Variants in MTHFD1L observed in about 807,000 individuals in gnomAD.
MTHFD1L encodes the protein methylenetetrahydrofolate dehydrogenase (NADP+ dependent) 1 like, also known as monofunctional C1-tetrahydrofolate synthase, mitochondrial.
MTHFD1L carries 81 observed loss-of-function variants against 119.5 expected under a neutral mutation model. That is an observed-to-expected ratio of 0.68 (90% confidence interval 0.57 to 0.82). The LOEUF (loss-of-function observed/expected upper bound fraction) is 0.82, where lower values mean the gene tolerates loss of function less well. MTHFD1L is among the 40% of genes least tolerant of loss of function. The probability of loss-of-function intolerance (pLI) is 0.00; values close to 1 mark genes in which losing one functional copy is unlikely to be tolerated. For synonymous variants in MTHFD1L, 430 were observed against 475.2 expected, an observed-to-expected ratio of 0.90 and a Z score of 1.24; for missense variants, 1,125 against 1,253.4, an observed-to-expected ratio of 0.90 and a Z score of 1.55.
In MTHFD1L at chr6:150,869,839, T is replaced by G. The variant is rs558618535; in HGVS notation, c.227+3790T>G. On this transcript the variant is annotated intron_variant, in intron 1 of 27. Transcript: ENST00000367321. ...TAAAGAATGAGCTCCCTCAAAAGCA[T>G]AGTGACCTGTTGTTCCTGGTGATGG... 3.9e-5 allele frequency among the ~76,000 whole-genome samples: 6 copies of G among 152,288 alleles called. No homozygotes were observed. In the South Asian group the frequency reaches 1.2e-3, roughly 32 times the overall value.
At chr6:151,030,374 GTTCT>G (rs1471207630) in intron 24 of MTHFD1L, among the ~76,000 whole-genome samples, 2 of 152,160 alleles carry the variant, frequency 1.3e-5, no homozygotes, top group African/African-American at 4.8e-5. Flanking sequence ...CAAAACCACT[GTTCT>G]ACTGCCCGGA....
intron 4 of MTHFD1L, among the ~76,000 whole-genome samples, chr6:150,878,616 C>A (rs1381054686): frequency 6.6e-6 from 1 of 152,182 alleles, no homozygotes; most frequent in Non-Finnish European, 1.5e-5. Context: ...TTGGTGATAT[C>A]ACCAAGTCGC....
chr6:150,942,649 T>G (rs1793319086), intron 13 of MTHFD1L, among the ~76,000 whole-genome samples: 1 of 152,176 alleles, frequency 6.6e-6, no homozygotes, highest in African/African-American at 2.4e-5. Context: ...TAAAAATGCT[T>G]GCTATGTTGA....
intron 19 of MTHFD1L, among the ~76,000 whole-genome samples, chr6:150,966,937 C>T (rs1273433138): frequency 6.6e-6 from 1 of 152,206 alleles, no homozygotes; most frequent in Non-Finnish European, 1.5e-5. Context: ...CGCCTTTGAA[C>T]AGGTGTCTGC....
rs561214507 is a variant in MTHFD1L at position 151,021,168 on chromosome 6, A to G, written c.2586+5475A>G. ...GAGCCTCAGCATCCTCATTTGTACA[A>G]TGGTGTCTGACAGTGACACCAACTT... On this transcript the variant is annotated intron_variant, in intron 24 of 27. Transcript: ENST00000367321. Among the ~76,000 whole-genome samples, 45 of 152,320 alleles carry G rather than the reference A, an allele frequency of 3.0e-4. No individual in the cohort carries two copies. The East Asian group carries it at 4.8e-3, about 16-fold the overall frequency.
At chr6:150,911,758 A>G (rs1000521162) in intron 8 of MTHFD1L, among the ~76,000 whole-genome samples, 3 of 152,170 alleles carry the variant, frequency 2.0e-5, no homozygotes, top group African/African-American at 7.2e-5. Context: ...GAGGCCTCAA[A>G]ATCATGGCGG....
chr6:150,920,491 G>T (rs1361254968), intron 9 of MTHFD1L, among the ~76,000 whole-genome samples: 1 of 152,018 alleles, frequency 6.6e-6, no homozygotes, highest in Non-Finnish European at 1.5e-5. Context: ...TTTTTGTAAG[G>T]ATTATAAGTT....
intron 26 of MTHFD1L, among the ~76,000 whole-genome samples, chr6:151,061,235 G>A (rs1037224476): frequency 6.6e-6 from 1 of 152,250 alleles, no homozygotes; most frequent in Non-Finnish European, 1.5e-5. Context: ...AGCACGTGGG[G>A]TCAAGTCCAG....
intron 26 of MTHFD1L, among the ~76,000 whole-genome samples, chr6:151,060,552 G>A (rs1790492508): frequency 1.3e-5 from 2 of 152,170 alleles, no homozygotes; most frequent in South Asian, 2.1e-4. Flanking sequence ...ATGGGGGGCT[G>A]GCAGGGATAG....
At chr6:151,063,620 A>G (rs781181576) in intron 26 of MTHFD1L, among the ~76,000 whole-genome samples, 5 of 152,204 alleles carry the variant, frequency 3.3e-5, no homozygotes, top group Non-Finnish European at 7.3e-5. Context: ...ATTTTATGCT[A>G]TTAGCCTAGC....
intron 6 of MTHFD1L, among the ~76,000 whole-genome samples, chr6:150,886,321 A>T (rs1281937004): frequency 6.6e-6 from 1 of 151,902 alleles, no homozygotes; most frequent in African/African-American, 2.4e-5. Context: ...GTGTAGTCCC[A>T]GCTATGCTGG....
intron 20 of MTHFD1L, among the ~76,000 whole-genome samples, chr6:150,991,308 G>A (rs1315798375): frequency 1.3e-5 from 2 of 151,216 alleles, no homozygotes; most frequent in Non-Finnish European, 2.9e-5. Context: ...CTAGTAAAAA[G>A]AATAGATAAA....
chr6:150,927,455 CTTT>C lies in MTHFD1L; in HGVS notation c.1256+1177_1256+1179del, dbSNP rs543783528. ...CATTCCATCACTCACATCCCAGATT[CTTT>C]TTTTTTTTTTTTTTTTGAGACAGAG... On this transcript the variant is annotated intron_variant, in intron 11 of 27. Transcript: ENST00000367321. Among the ~76,000 whole-genome samples, 523 of 125,002 alleles carry C rather than the reference CTTT, an allele frequency of 4.2e-3. 6 individuals are homozygous for C. The highest frequency in any genetic ancestry group is 0.013 in the African/African-American group (437 of 32,436). 82.0% of individuals were successfully genotyped at this position (125,002 alleles called of 152,430 possible).
chr6:151,099,993 C>T, intron 27 of MTHFD1L: 10 of 752,560 alleles, frequency 1.3e-5, no homozygotes, highest in East Asian at 5.1e-5. Flanking sequence ...TGGCATCTTC[C>T]TTTAAAAAAA....
At chr6:150,872,401 C>T (rs1779696643) in intron 1 of MTHFD1L, among the ~76,000 whole-genome samples, 1 of 152,074 alleles carries the variant, frequency 6.6e-6, no homozygotes, top group African/African-American at 2.4e-5. Flanking sequence ...ACTTAGAGGC[C>T]ACTGTAGTTA....
chr6:151,038,176 G>C (rs562084223), intron 26 of MTHFD1L, among the ~76,000 whole-genome samples: 2 of 152,168 alleles, frequency 1.3e-5, no homozygotes, highest in Non-Finnish European at 2.9e-5. Context: ...GGTTTGAATA[G>C]CACAGAGGTA....
intron 26 of MTHFD1L, among the ~76,000 whole-genome samples, chr6:151,045,394 C>T (rs1562589253): frequency 6.6e-6 from 1 of 152,054 alleles, no homozygotes; most frequent in Admixed American, 6.5e-5. Context: ...AATCACACAT[C>T]CCTTTTTCCC....
chr6:150,986,481 C>T (rs1024064711), intron 20 of MTHFD1L, among the ~76,000 whole-genome samples: 3 of 152,168 alleles, frequency 2.0e-5, no homozygotes, highest in Non-Finnish European at 2.9e-5. Flanking sequence ...ACAACATTTC[C>T]GTGGTTTTGG....
intron 1 of MTHFD1L, 191 bp downstream of exon 1, chr6:150,866,240 A>C: frequency 7.2e-7 from 1 of 1,396,282 alleles, no homozygotes; most frequent in Non-Finnish European, 9.3e-7. Context: ...CTGGCGGAGA[A>C]CGGGGGATCC....
Sources: gnomAD v4.1 joint callset for allele counts (sites outside exome capture counted in the v4.1 genomes callset) on GRCh38, gnomAD v4.1.1 for gene constraint, MANE v1.5 for transcripts, NCBI Gene and HGNC (gene_info 2026-07-23, HGNC 2026-07-21) for gene names.